The following PRUNE2 variants were observed in gnomAD, a reference collection of about 807,000 sequenced individuals.
PRUNE2 encodes prune homolog 2 with BCH domain.
Under a neutral mutation model 252.0 loss-of-function variants are expected in PRUNE2, and 164 were observed. The observed-to-expected ratio is 0.65, with a 90% CI of 0.57 to 0.74. The LOEUF (loss-of-function observed/expected upper bound fraction) is 0.74. Among genes scored for constraint, PRUNE2 ranks in the 30% least tolerant of loss-of-function variants. The pLI, the probability that PRUNE2 is intolerant of heterozygous loss-of-function variation, is 0.00. For missense variants in PRUNE2, 3,495 were observed against 3,711.0 expected (o/e 0.94, Z 1.51); for synonymous variants, 1,292 against 1,350.2 (o/e 0.96, Z 0.94).
intron 1 of PRUNE2, among the ~76,000 whole-genome samples, chr9:76,894,467 T>C (rs2062688978): frequency 6.6e-6 from 1 of 152,152 alleles, no homozygotes; most frequent in African/African-American, 2.4e-5. Flanking sequence ...ACGTGTCCTG[T>C]CCTCTCAGAC....
chr9:76,847,143 G>A (rs1181351713), intron 3 of PRUNE2, among the ~76,000 whole-genome samples: 1 of 152,050 alleles, frequency 6.6e-6, no homozygotes, highest in African/African-American at 2.4e-5. Context: ...TGGCCAACAT[G>A]GTGAAACCTC....
chr9:76,871,476 G>A (rs1300548680), intron 1 of PRUNE2, among the ~76,000 whole-genome samples: 1 of 152,196 alleles, frequency 6.6e-6, no homozygotes, highest in Non-Finnish European at 1.5e-5. Flanking sequence ...AGAGATAACT[G>A]AACTATGTTG....
chr9:76,652,767 A>G (rs1847927774), intron 10 of PRUNE2, 84 bp from the exon 11 acceptor site: 5 of 950,658 alleles, frequency 5.3e-6, no homozygotes, highest in Non-Finnish European at 8.3e-6. Context: ...CAAATGCTCC[A>G]AAATCTGAAA....
At chr9:76,740,580 T>C (rs1421890002) in intron 6 of PRUNE2, among the ~76,000 whole-genome samples, 2 of 152,054 alleles carry the variant, frequency 1.3e-5, no homozygotes, top group Non-Finnish European at 2.9e-5. Context: ...TTAATACAAA[T>C]GGTGGATTGT....
intron 9 of PRUNE2, among the ~76,000 whole-genome samples, chr9:76,671,237 C>T (rs7857639): frequency 0.093 from 13,395 of 143,394 alleles, 791 homozygotes; most frequent in African/African-American, 0.16. Context: ...AACCAAGGCT[C>T]GAGAACTACG....
chr9:76,737,064 C>G (rs973287804), intron 6 of PRUNE2: 1 of 152,188 alleles, frequency 6.6e-6, no homozygotes, highest in African/African-American at 2.4e-5. Flanking sequence ...GTTCTGCTGT[C>G]ATCAACAGCA....
At chr9:76,632,825 A>G (rs1838285461) in intron 15 of PRUNE2, among the ~76,000 whole-genome samples, 1 of 152,210 alleles carries the variant, frequency 6.6e-6, no homozygotes, top group South Asian at 2.1e-4. Flanking sequence ...CTTCCTGAGT[A>G]GCTGGAATTA....
intron 11 of PRUNE2, among the ~76,000 whole-genome samples, chr9:76,647,693 A>C (rs907844657): frequency 6.6e-6 from 1 of 152,168 alleles, no homozygotes; most frequent in Non-Finnish European, 1.5e-5. Flanking sequence ...GGCCAGGTGC[A>C]GTGGCTCACG....
intron 1 of PRUNE2, among the ~76,000 whole-genome samples, chr9:76,905,688 A>C (rs545952965): frequency 1.5e-4 from 23 of 152,292 alleles, no homozygotes; most frequent in Non-Finnish European, 2.4e-4. Context: ...ACCCAACTTC[A>C]GCCAGGCCAC....
chr9:76,727,360 A>G (rs779978440), intron 6 of PRUNE2, among the ~76,000 whole-genome samples: 1 of 152,224 alleles, frequency 6.6e-6, no homozygotes, highest in Non-Finnish European at 1.5e-5. Context: ...CAGGCAGGAG[A>G]ACTAGAAAAG....
chr9:76,670,658 C>G (rs2041221948), intron 9 of PRUNE2, among the ~76,000 whole-genome samples: 1 of 152,146 alleles, frequency 6.6e-6, no homozygotes, highest in Non-Finnish European at 1.5e-5. Context: ...CCCTGTCTGA[C>G]AGCTTTGAAG....
intron 9 of PRUNE2, among the ~76,000 whole-genome samples, chr9:76,658,936 T>C (rs894845610): frequency 4.0e-4 from 61 of 152,210 alleles, no homozygotes; most frequent in Non-Finnish European, 4.4e-5. Flanking sequence ...CCTGTCCCCT[T>C]TGAAGTTAGG....
intron 6 of PRUNE2, chr9:76,779,003 T>A (rs1370066915): frequency 6.6e-6 from 1 of 152,214 alleles, no homozygotes; most frequent in African/African-American, 2.4e-5. Context: ...GCATCACTAG[T>A]CATCTTAAAT....
chr9:76,731,959 C>T (rs912699077), intron 6 of PRUNE2, among the ~76,000 whole-genome samples: 3 of 152,218 alleles, frequency 2.0e-5, no homozygotes, highest in Admixed American at 6.5e-5. Context: ...ACCCCCGCTG[C>T]TCCCACCACT....
intron 4 of PRUNE2, among the ~76,000 whole-genome samples, chr9:76,845,729 T>C (rs577415762): frequency 1.3e-5 from 2 of 152,352 alleles, no homozygotes; most frequent in African/African-American, 4.8e-5. Context: ...CTGTGTTAAA[T>C]ACTTTTGAGA....
At chr9:76,680,993 A>G (rs942120168) in intron 9 of PRUNE2, among the ~76,000 whole-genome samples, 1 of 152,178 alleles carries the variant, frequency 6.6e-6, no homozygotes, top group African/African-American at 2.4e-5. Context: ...ATAATTCAAG[A>G]TGAGATTCAG....
chr9:76,870,685 C>CAAAAA lies in PRUNE2; in HGVS notation c.37-16482_37-16478dup, dbSNP rs199892073. Among the ~76,000 whole-genome samples the CAAAAA allele has an allele frequency of 7.7e-3, 630 of 82,298 alleles. 4 individuals are homozygous for CAAAAA. The highest frequency in any genetic ancestry group is 0.035 in the Middle Eastern group (4 of 114). The allele number at this position is 82,298 out of a possible 152,430, so 54.0% of individuals were successfully genotyped here. On this transcript the variant is annotated intron_variant, in intron 1 of 18. Transcript: ENST00000376718. Reference sequence around the variant, plus strand: ...TGGGTGACAGAGCGAGATTCTGTCTCAAAAAAAAAAAAAAAAAATCCTCAA... The same window carrying CAAAAA: ...TGGGTGACAGAGCGAGATTCTGTCTCAAAAAAAAAAAAAAAAAAAAAAATCCTCAA...
intron 6 of PRUNE2, among the ~76,000 whole-genome samples, chr9:76,747,529 C>T (rs1408935040): frequency 6.6e-6 from 1 of 152,112 alleles, no homozygotes; most frequent in Non-Finnish European, 1.5e-5. Flanking sequence ...TAAGGTCACA[C>T]GAGGTCAGAG....
intron 6 of PRUNE2, among the ~76,000 whole-genome samples, chr9:76,720,285 C>T (rs2047522035): frequency 7.0e-6 from 1 of 142,874 alleles, no homozygotes; most frequent in Admixed American, 6.8e-5. Flanking sequence ...TTAAGATTCA[C>T]TGATATTTAT....
Sources: allele counts gnomAD v4.1 joint callset (sites outside exome capture counted in the v4.1 genomes callset), GRCh38; gene constraint gnomAD v4.1.1; transcripts MANE v1.5; gene names NCBI Gene and HGNC (gene_info 2026-07-23, HGNC 2026-07-21).